Variants in FAIM observed in about 807,000 individuals in gnomAD.
FAIM encodes the protein fas apoptotic inhibitory molecule 1.
A neutral mutation model predicts 21.2 loss-of-function variants in FAIM; 14 were observed. That is an observed-to-expected ratio of 0.66 (90% CI 0.44 to 1.03). FAIM has a LOEUF of 1.03. Among genes scored for constraint, FAIM ranks in the 50% least tolerant of loss-of-function variants. The pLI, the probability that FAIM is intolerant of heterozygous loss-of-function variation, is 0.00. For synonymous variants in FAIM, 86 were observed against 80.4 expected (o/e 1.07, Z -0.37); for missense variants, 222 against 247.1 (o/e 0.90, Z 0.68).
rs1317343339 is a variant in FAIM, at chr3:138,629,159, A to G, written c.456+3A>G. 6.2e-7 allele frequency: 1 copy of G among 1,609,214 alleles called. No individual in the cohort carries two copies. The highest frequency in any genetic ancestry group is 8.5e-7 in the Non-Finnish European group (1 of 1,177,136). On this transcript the variant is annotated splice_donor_region_variant and intron_variant, in intron 5 of 5. Coordinates refer to ENST00000360570, the MANE Select transcript of FAIM (RefSeq NM_001033031.2). Reference sequence around the variant, plus strand: ...ATGGTAAAAAATTGGAGACAGCGGTAAGTTGACTATTTGATGACTCTAAGT... The same window carrying G: ...ATGGTAAAAAATTGGAGACAGCGGTGAGTTGACTATTTGATGACTCTAAGT...
chr3:138,615,470 A>G (rs1301902893), intron 1 of FAIM, among the ~76,000 whole-genome samples: 2 of 152,204 alleles, frequency 1.3e-5, no homozygotes, highest in Admixed American at 6.5e-5. Context: ...TTGTGTGAGG[A>G]TATTCTCAAA....
intron 1 of FAIM, among the ~76,000 whole-genome samples, chr3:138,619,493 AAT>A (rs1297656860): frequency 6.6e-6 from 1 of 152,234 alleles, no homozygotes; most frequent in East Asian, 1.9e-4. Context: ...AACAGGGAAA[AAT>A]ATGACTGACT....
chr3:138,625,407 G>A (rs2108351350), intron 4 of FAIM, among the ~76,000 whole-genome samples: 1 of 151,786 alleles, frequency 6.6e-6, no homozygotes, highest in East Asian at 1.9e-4. Flanking sequence ...AGGTTGCAGT[G>A]AGCTGAGATT....
intron 2 of FAIM, among the ~76,000 whole-genome samples, chr3:138,620,741 A>G (rs1315546322): frequency 6.6e-6 from 1 of 152,136 alleles, no homozygotes; most frequent in African/African-American, 2.4e-5. Context: ...TGCCCACCTC[A>G]GTCTCCCAAA....
chr3:138,629,289 C>T, intron 5 of FAIM, 133 bp downstream of exon 5: 2 of 643,482 alleles, frequency 3.1e-6, no homozygotes. Flanking sequence ...GGATTAAGTA[C>T]TCCTGACTTC....
At chr3:138,620,915 A>G (rs1181533254) in intron 2 of FAIM, among the ~76,000 whole-genome samples, 1 of 152,204 alleles carries the variant, frequency 6.6e-6, no homozygotes, top group Non-Finnish European at 1.5e-5. Context: ...CTGTCTTAGT[A>G]TAATAAATTA....
chr3:138,617,529 C>G (rs2042837877), intron 1 of FAIM, among the ~76,000 whole-genome samples: 1 of 146,556 alleles, frequency 6.8e-6, no homozygotes, highest in Non-Finnish European at 1.5e-5. Context: ...ATATATATCT[C>G]TCTCTATCTA....
At chr3:138,629,436 A>AG (rs2042978948) in intron 5 of FAIM, 13 of 175,806 alleles carry the variant, frequency 7.4e-5, no homozygotes, top group Non-Finnish European at 1.3e-4. Context: ...AAATACCTAA[A>AG]AAGAGCCCCT....
At chr3:138,620,975 T>C (rs1440712750) in intron 2 of FAIM, among the ~76,000 whole-genome samples, 4 of 152,042 alleles carry the variant, frequency 2.6e-5, no homozygotes, top group Non-Finnish European at 5.9e-5. Flanking sequence ...GTATGGGAGG[T>C]TTGGAGAGTT....
chr3:138,622,501 G>T, intron 4 of FAIM, 85 bp downstream of exon 4: 1 of 909,226 alleles, frequency 1.1e-6, no homozygotes, highest in East Asian at 2.6e-5. Context: ...GACCTTCTAT[G>T]GAGGTTTGAA....
chr3:138,632,518 G>A (rs2043016693), intron 5 of FAIM, among the ~76,000 whole-genome samples: 1 of 152,118 alleles, frequency 6.6e-6, no homozygotes, highest in Non-Finnish European at 1.5e-5. Flanking sequence ...CAGATTTTCA[G>A]AGTGGCTAAG....
At position 138,612,141 on chromosome 3, in the gene FAIM, C is replaced by T. The variant is rs1051305485; in HGVS notation, c.-17+3204C>T. ...TTTGAGACGGAGTCTCGCTCTGTCA[C>T]CCAGGCTGGAGTGCAGTGGTGCGAT... On this transcript the variant is annotated intron_variant, in intron 1 of 5. Coordinates refer to ENST00000360570, the MANE Select transcript of FAIM (RefSeq NM_001033031.2). Among the ~76,000 whole-genome samples, 7 of 147,440 alleles carry T rather than the reference C, an allele frequency of 4.7e-5. No individual in the cohort carries two copies. The South Asian group carries it at 1.5e-3, about 31-fold the overall frequency.
intron 5 of FAIM, chr3:138,629,674 G>T (rs547850383): frequency 6.6e-6 from 1 of 152,150 alleles, no homozygotes; most frequent in Non-Finnish European, 1.5e-5. Flanking sequence ...TTCTGAAAGC[G>T]AGATTTTTGT....
rs764915713 is a variant in FAIM at position 138,632,976 on chromosome 3, A to G, written c.503A>G (p.Asn168Ser). ...ACTGAAACTCACTTCAGTATCGGGAACCATGACTGTTACATAAAGGCTGTC... is the reference window on the plus strand; with the variant it reads ...ACTGAAACTCACTTCAGTATCGGGAGCCATGACTGTTACATAAAGGCTGTC... ...DGTETHFSIG[N>S]HDCYIKAVSS... is the part of the protein sequence containing the mutation. Residue 168 changes from asparagine (N) to serine (S), a missense_variant, in exon 6 of 6, where the codon AAC becomes AGC. Coordinates refer to ENST00000360570, the MANE Select transcript of FAIM (RefSeq NM_001033031.2). The G allele has an allele frequency of 1.2e-6, 2 of 1,613,896 alleles. No homozygotes were observed. The highest frequency in any genetic ancestry group is 3.3e-5 in the Admixed American group (2 of 60,006).
rs552080269 is a variant in FAIM at position 138,621,260 on chromosome 3, G to A, written c.45-147G>A. 4 of 746,748 alleles carry A rather than the reference G, an allele frequency of 5.4e-6. No individual in the cohort carries two copies. The Admixed American group carries it at 8.4e-5, about 16-fold the overall frequency. 46.3% of individuals were successfully genotyped at this position (746,748 alleles called of 1,614,324 possible). ...AATAAGAGGGAGAAAATAGTTACAT[G>A]TACTGTGAGTAGAATTTCTTAGGTA... On this transcript the variant is annotated intron_variant, in intron 2 of 5. Transcript: ENST00000360570.
chr3:138,610,825 C>T (rs2042759411), intron 1 of FAIM: 3 of 708,306 alleles, frequency 4.2e-6, no homozygotes, highest in Non-Finnish European at 7.5e-6. Context: ...TCAAGTGATC[C>T]GACCGCCTTG....
At chr3:138,613,578 G>A (rs2042794420) in intron 1 of FAIM, among the ~76,000 whole-genome samples, 1 of 152,098 alleles carries the variant, frequency 6.6e-6, no homozygotes, top group Non-Finnish European at 1.5e-5. Flanking sequence ...TGACCTCTCA[G>A]GCTTAAGTGA....
intron 2 of FAIM, among the ~76,000 whole-genome samples, chr3:138,620,855 TA>T (rs2042877153): frequency 6.6e-6 from 1 of 152,202 alleles, no homozygotes; most frequent in South Asian, 2.1e-4. Flanking sequence ...TCATAACATT[TA>T]AAAATTATTT....
chr3:138,613,187 T>C (rs1486737498), intron 1 of FAIM, among the ~76,000 whole-genome samples: 1 of 151,808 alleles, frequency 6.6e-6, no homozygotes, highest in East Asian at 1.9e-4. Context: ...CTCGGCTAAT[T>C]TTTTGTATTT....
Sources: gnomAD v4.1 joint callset for allele counts (sites outside exome capture counted in the v4.1 genomes callset) on GRCh38, gnomAD v4.1.1 for gene constraint, MANE v1.5 for transcripts, NCBI Gene and HGNC (gene_info 2026-07-23, HGNC 2026-07-21) for gene names.